The following SLC39A10 variants were observed in gnomAD, a reference collection of about 807,000 sequenced individuals.
SLC39A10 encodes zinc transporter ZIP10.
SLC39A10 carries 13 observed loss-of-function variants against 65.1 expected under a neutral mutation model. The ratio of observed to expected loss-of-function variants is 0.20; its 90% CI spans 0.13 to 0.32. The LOEUF (loss-of-function observed/expected upper bound fraction) is 0.32. Ranked by LOEUF, SLC39A10 falls within the 10% of genes least tolerant of loss-of-function variation. The probability of loss-of-function intolerance (pLI) is 1.00; values close to 1 mark genes in which losing one functional copy is unlikely to be tolerated. For synonymous variants in SLC39A10, 321 were observed against 342.2 expected (o/e 0.94, Z 0.68); for missense variants, 831 against 1,018.4 (o/e 0.82, Z 2.50).
At position 195,674,528 on chromosome 2, in the gene SLC39A10, C is replaced by T. The variant is rs919536936; in HGVS notation, c.-11-5504C>T. 53 of 940,936 alleles carry T rather than the reference C, an allele frequency of 5.6e-5. No homozygotes were observed. The African/African-American group carries it at 7.6e-4, about 14-fold the overall frequency. The allele number at this position is 940,936 out of a possible 1,614,324, so 58.3% of individuals were successfully genotyped here. Reference sequence around the variant, plus strand: ...CTGACCTCAGGTGATCCACCCGCCTCGGCCTCCCAAAGTACTGGGATTATA... The same window carrying T: ...CTGACCTCAGGTGATCCACCCGCCTTGGCCTCCCAAAGTACTGGGATTATA... On this transcript the variant is annotated intron_variant, in intron 1 of 9. Coordinates refer to ENST00000359634, the MANE Select transcript of SLC39A10 (RefSeq NM_020342.3).
chr2:195,655,697 C>A (rs535835473), upstream of SLC39A10, among the ~76,000 whole-genome samples: 1 of 152,322 alleles, frequency 6.6e-6, no homozygotes, highest in South Asian at 2.1e-4. Flanking sequence ...CAGGCTTAAT[C>A]TCTTTTCTCC....
At chr2:195,640,833 C>T (rs1042277321) in intron 2 of SLC39A10, among the ~76,000 whole-genome samples, 1 of 152,000 alleles carries the variant, frequency 6.6e-6, no homozygotes, top group Non-Finnish European at 1.5e-5. Context: ...GCAAAAAAAG[C>T]GAGAGAGAGT....
intron 3 of SLC39A10, among the ~76,000 whole-genome samples, chr2:195,690,100 T>G (rs151084229): frequency 0.01 from 1,266 of 125,388 alleles, 15 homozygotes; most frequent in African/African-American, 0.036. Flanking sequence ...TTGTTTGAAC[T>G]GGGAGGCAGA....
At chr2:195,701,414 T>C (rs1464782552) in intron 3 of SLC39A10, among the ~76,000 whole-genome samples, 2 of 149,442 alleles carry the variant, frequency 1.3e-5, no homozygotes, top group Non-Finnish European at 3.0e-5. Context: ...TAGGTCTTTT[T>C]CAGGGACAGT....
intron 6 of SLC39A10, among the ~76,000 whole-genome samples, chr2:195,715,139 A>G (rs367934524): frequency 5.3e-5 from 8 of 152,346 alleles, no homozygotes; most frequent in South Asian, 2.1e-4. Flanking sequence ...AATATTTCCT[A>G]TAATAGCTGA....
At chr2:195,623,130 G>A (rs915530382) in intron 2 of SLC39A10, among the ~76,000 whole-genome samples, 1 of 152,134 alleles carries the variant, frequency 6.6e-6, no homozygotes, top group Non-Finnish European at 1.5e-5. Context: ...GAGTATGATT[G>A]AAAGGGGTAT....
At chr2:195,613,176 C>A (rs1688134656) in intron 2 of SLC39A10, among the ~76,000 whole-genome samples, 2 of 151,898 alleles carry the variant, frequency 1.3e-5, no homozygotes, top group Admixed American at 1.3e-4. Flanking sequence ...CCTTCTGTTC[C>A]CCCACCCCAC....
intron 3 of SLC39A10, among the ~76,000 whole-genome samples, chr2:195,700,687 A>C (rs1012262314): frequency 2.0e-5 from 3 of 152,176 alleles, no homozygotes; most frequent in African/African-American, 7.2e-5. Flanking sequence ...TGCAGCATAT[A>C]GGATTCTTGG....
Position 195,704,115 on chromosome 2 carries a change from C to G in SLC39A10, c.1217-2501C>G, listed in dbSNP as rs190580374. Among the ~76,000 whole-genome samples the G allele has an allele frequency of 1.6e-4, 25 of 152,022 alleles. 1 individual carries two copies. Among genetic ancestry groups the G allele is most frequent in the Middle Eastern group, 3.4e-3 (1 of 294 alleles). On this transcript the variant is annotated intron_variant, in intron 3 of 9. Transcript: ENST00000359634. ...GGTCTTGTCTGTAGTTCTGGCAGTCCCCATTCACCTATATTTACATTAGTA... is the reference window on the plus strand; with the variant it reads ...GGTCTTGTCTGTAGTTCTGGCAGTCGCCATTCACCTATATTTACATTAGTA...
intron 5 of SLC39A10, among the ~76,000 whole-genome samples, chr2:195,710,930 C>G (rs1691583023): frequency 6.6e-6 from 1 of 151,960 alleles, no homozygotes; most frequent in Non-Finnish European, 1.5e-5. Flanking sequence ...CAAGAGTTGG[C>G]TAAGTAGATG....
intron 8 of SLC39A10, among the ~76,000 whole-genome samples, chr2:195,724,594 A>C (rs1692169767): frequency 6.6e-6 from 1 of 152,178 alleles, no homozygotes; most frequent in South Asian, 2.1e-4. Flanking sequence ...TTATAATAGC[A>C]TCAAAAATAT....
intron 2 of SLC39A10, among the ~76,000 whole-genome samples, chr2:195,627,537 T>C (rs1347684319): frequency 3.3e-5 from 5 of 152,136 alleles, no homozygotes; most frequent in Admixed American, 2.6e-4. Flanking sequence ...AGCTGAAAAA[T>C]GAGGATGAGT....
chr2:195,698,515 T>C lies in SLC39A10; in HGVS notation c.1217-8101T>C, dbSNP rs559334060. On this transcript the variant is annotated intron_variant, in intron 3 of 9. Coordinates refer to ENST00000359634, the MANE Select transcript of SLC39A10 (RefSeq NM_020342.3). Reference sequence around the variant, plus strand: ...CTGTCTGTTCCTAGTTTGTTGAGTCTTTTGATCATGAGAGGATATTGAATT... The same window carrying C: ...CTGTCTGTTCCTAGTTTGTTGAGTCCTTTGATCATGAGAGGATATTGAATT... Among the ~76,000 whole-genome samples the C allele has an allele frequency of 3.1e-4, 47 of 152,238 alleles. No individual in the cohort carries two copies. In the South Asian group the frequency reaches 8.5e-3, roughly 28 times the overall value.
chr2:195,615,913 TC>T (rs1688196335), intron 2 of SLC39A10, among the ~76,000 whole-genome samples: 1 of 152,242 alleles, frequency 6.6e-6, no homozygotes, highest in African/African-American at 2.4e-5. Context: ...TGTGTATTTA[TC>T]TTAACCTCCT....
At chr2:195,678,550 C>G (rs1690180513) in intron 1 of SLC39A10, among the ~76,000 whole-genome samples, 1 of 143,238 alleles carries the variant, frequency 7.0e-6, no homozygotes, top group South Asian at 2.2e-4. Flanking sequence ...TGCAGCCTGC[C>G]TTTTTAGTTA....
chr2:195,713,045 T>C (rs1433450646), intron 5 of SLC39A10, among the ~76,000 whole-genome samples: 1 of 152,226 alleles, frequency 6.6e-6, no homozygotes, highest in Non-Finnish European at 1.5e-5. Context: ...CAGGGAAATA[T>C]AGATTGCATT....
chr2:195,626,257 T>C (rs1054249595), intron 2 of SLC39A10, among the ~76,000 whole-genome samples: 3 of 152,194 alleles, frequency 2.0e-5, no homozygotes, highest in African/African-American at 7.2e-5. Context: ...CTTGAGGAGA[T>C]TAAAAGTCTC....
At chr2:195,694,372 G>A (rs964573322) in intron 3 of SLC39A10, among the ~76,000 whole-genome samples, 6 of 152,216 alleles carry the variant, frequency 3.9e-5, no homozygotes, top group Non-Finnish European at 7.3e-5. Context: ...CTGTCTTGAT[G>A]ATTTGTCTAG....
rs1690426332 is a variant in SLC39A10, at chr2:195,683,855, A to C, written c.1165A>C (p.Asn389His). The change falls in exon 3 of 10, where the codon AAT becomes CAT. Residue 389 changes from asparagine to histidine, a missense_variant. By Grantham distance (68) the Asn-to-His change is moderately conservative (BLOSUM62 1). Transcript: ENST00000359634. ...TGACAAACTTTTAGTTGAAGATATAAATAAGGATAAAAACCTGGTTCCTGA... is the reference window on the plus strand; with the variant it reads ...TGACAAACTTTTAGTTGAAGATATACATAAGGATAAAAACCTGGTTCCTGA... ...HFDKLLVEDI[N>H]KDKNLVPEDE... The C allele has an allele frequency of 3.1e-6, 5 of 1,613,234 alleles. No homozygotes were observed. In the East Asian group the frequency reaches 1.1e-4, roughly 36 times the overall value.
Sources: allele counts gnomAD v4.1 joint callset (sites outside exome capture counted in the v4.1 genomes callset), GRCh38; gene constraint gnomAD v4.1.1; transcripts MANE v1.5; gene names NCBI Gene and HGNC (gene_info 2026-07-23, HGNC 2026-07-21).